The following CDC7 variants were observed in gnomAD, a reference collection of about 807,000 sequenced individuals.
CDC7 encodes the protein cell division cycle 7-related protein kinase.
In CDC7, 34 loss-of-function variants were observed where a neutral mutation model predicts 53.5. The observed-to-expected ratio is 0.64, with a 90% CI of 0.48 to 0.85. CDC7 has a LOEUF of 0.85. Ranked by LOEUF, CDC7 falls within the 40% of genes least tolerant of loss-of-function variation. The pLI, the probability that CDC7 is intolerant of heterozygous loss-of-function variation, is 0.00. For synonymous variants in CDC7, 211 were observed against 222.8 expected (o/e 0.95, Z 0.47); for missense variants, 594 against 679.7 (o/e 0.87, Z 1.40).
chr1:91,509,053 G>C (rs936629905), intron 4 of CDC7, among the ~76,000 whole-genome samples: 23 of 152,014 alleles, frequency 1.5e-4, no homozygotes, highest in African/African-American at 5.6e-4. Flanking sequence ...CCCTTGTCTT[G>C]ACTTCTGTCC....
rs1053952279 is a variant in CDC7, at chr1:91,525,556, T to G, written c.*1121T>G. ...GTGGTCAGCTGACAGATTTCCCATT[T>G]AGTAGTCATAGAATACAGAAATAGT... On this transcript the variant is annotated 3_prime_UTR_variant, in exon 12 of 12. Coordinates refer to ENST00000234626, the MANE Select transcript of CDC7 (RefSeq NM_003503.4). The G allele has an allele frequency of 6.6e-6, 1 of 152,148 alleles. No individual in the cohort carries two copies. The allele number at this position is 152,148 out of a possible 1,614,324, so 9.4% of individuals were successfully genotyped here.
chr1:91,513,041 T>C lies in CDC7; in HGVS notation c.573-17T>C. 1 of 1,608,600 alleles carries C rather than the reference T, an allele frequency of 6.2e-7. No individual in the cohort carries two copies. Among genetic ancestry groups the C allele is most frequent in the Non-Finnish European group, 8.5e-7 (1 of 1,177,084 alleles). ...AATTGCTACAGATAAGTAAAAATGCTTAATTTTGTCTCTTAGGTATGCCTT... is the reference window on the plus strand; with the variant it reads ...AATTGCTACAGATAAGTAAAAATGCCTAATTTTGTCTCTTAGGTATGCCTT... On this transcript the variant is annotated splice_polypyrimidine_tract_variant and intron_variant, in intron 6 of 11. Coordinates refer to ENST00000234626, the MANE Select transcript of CDC7 (RefSeq NM_003503.4).
At chr1:91,517,668 G>A (rs1667634623) in intron 10 of CDC7, among the ~76,000 whole-genome samples, 1 of 152,176 alleles carries the variant, frequency 6.6e-6, no homozygotes, top group Admixed American at 6.5e-5. Flanking sequence ...ATAAATGACA[G>A]TTGAAGCCAT....
At position 91,524,476 on chromosome 1, in the gene CDC7, TA is replaced by T. The variant is rs749810717; in HGVS notation, c.*47del. 3.3e-5 allele frequency: 48 copies of T among 1,442,022 alleles called. No individual in the cohort carries two copies. The highest frequency in any genetic ancestry group is 1.1e-5 in the Non-Finnish European group (12 of 1,064,374). The allele number at this position is 1,442,022 out of a possible 1,614,324, so 89.3% of individuals were successfully genotyped here. A position where few individuals can be genotyped will look rare whatever the true frequency, so the allele number is the denominator to read the frequency against. On this transcript the variant is annotated 3_prime_UTR_variant, in exon 12 of 12. Transcript: ENST00000234626. ...TAATGTTTACTGTTATGAGGTAGAA[TA>T]AAAAAGAATACTTTGTAATAGCCAC...
intron 10 of CDC7, 128 bp from the exon 11 acceptor site, chr1:91,520,002 G>T (rs1667841368): frequency 3.2e-6 from 2 of 632,634 alleles, no homozygotes; most frequent in Admixed American, 3.8e-5. Flanking sequence ...AAATCTTTGG[G>T]TCTGGGCATC....
chr1:91,506,576 C>T (rs1666999696), intron 2 of CDC7, among the ~76,000 whole-genome samples: 1 of 152,144 alleles, frequency 6.6e-6, no homozygotes, highest in Non-Finnish European at 1.5e-5. Context: ...CTAGACCAAG[C>T]TCTTAGTGGC....
At chr1:91,514,276 A>G (rs1667439211) in intron 8 of CDC7, among the ~76,000 whole-genome samples, 1 of 152,106 alleles carries the variant, frequency 6.6e-6, no homozygotes, top group Admixed American at 6.6e-5. Flanking sequence ...GTCTTTCTCT[A>G]GAGGAACATT....
chr1:91,501,527 G>C (rs1268931332), intron 1 of CDC7, 127 bp from the exon 2 acceptor site: 1 of 598,656 alleles, frequency 1.7e-6, no homozygotes, highest in African/African-American at 1.8e-5. Context: ...GCCACAGTAT[G>C]CCCTACTGTG....
chr1:91,516,385 A>C (rs1185564661), intron 10 of CDC7, among the ~76,000 whole-genome samples: 4 of 152,120 alleles, frequency 2.6e-5, no homozygotes, highest in Non-Finnish European at 5.9e-5. Flanking sequence ...TGTCTTCCGT[A>C]ATCTAAAAAC....
At chr1:91,509,578 C>T (rs1310801574) in intron 4 of CDC7, among the ~76,000 whole-genome samples, 1 of 152,130 alleles carries the variant, frequency 6.6e-6, no homozygotes, top group Non-Finnish European at 1.5e-5. Flanking sequence ...TCTTCTCTGC[C>T]ACTACCTCAG....
intron 1 of CDC7, 59 bp from the exon 2 acceptor site, chr1:91,501,595 G>A: frequency 2.6e-6 from 2 of 757,982 alleles, no homozygotes; most frequent in Non-Finnish European, 4.6e-6. Flanking sequence ...GCAGTAGCAT[G>A]TTTTTAGTGC....
At chr1:91,501,982 T>C in intron 2 of CDC7, 151 bp downstream of exon 2, 1 of 648,232 alleles carries the variant, frequency 1.5e-6, no homozygotes, top group South Asian at 2.0e-5. Flanking sequence ...TCGTATGATC[T>C]AAATGTAGGA....
intron 4 of CDC7, among the ~76,000 whole-genome samples, chr1:91,509,631 C>G (rs1032960614): frequency 6.6e-6 from 1 of 152,114 alleles, no homozygotes; most frequent in East Asian, 1.9e-4. Flanking sequence ...TTCCTTCTCC[C>G]CTTAATTCTG....
chr1:91,511,324 C>T (rs758387047), intron 4 of CDC7, among the ~76,000 whole-genome samples: 3 of 151,984 alleles, frequency 2.0e-5, no homozygotes, highest in Non-Finnish European at 2.9e-5. Context: ...TTAATCTTTT[C>T]CCTTTTTTCT....
chr1:91,512,757 C>T (rs757204704), intron 6 of CDC7, among the ~76,000 whole-genome samples: 31 of 152,024 alleles, frequency 2.0e-4, no homozygotes, highest in Non-Finnish European at 3.5e-4. Flanking sequence ...GCCATCTCTG[C>T]CACCATCAGA....
rs1455941022 is a variant in CDC7 at position 91,511,117 on chromosome 1, T to TA, written c.336-479dup. On this transcript the variant is annotated intron_variant, in intron 4 of 11. Coordinates refer to ENST00000234626, the MANE Select transcript of CDC7 (RefSeq NM_003503.4). ...TTCTCTACTCATTTTTTGGTATCTC[T>TA]ATTGTTTTCTTACTCAGGCTCAAAA... 4.6e-5 allele frequency among the ~76,000 whole-genome samples: 7 copies of TA among 152,306 alleles called. 1 individual carries two copies. The Middle Eastern group carries it at 0.02, about 444-fold the overall frequency.
chr1:91,512,717 C>G (rs534068086), intron 6 of CDC7, among the ~76,000 whole-genome samples: 1 of 151,882 alleles, frequency 6.6e-6, no homozygotes, highest in East Asian at 1.9e-4. Flanking sequence ...TTTTTTTAAG[C>G]TTTCTTAACT....
chr1:91,509,286 G>T (rs1667143107), intron 4 of CDC7, among the ~76,000 whole-genome samples: 2 of 148,978 alleles, frequency 1.3e-5, no homozygotes, highest in South Asian at 4.3e-4. Flanking sequence ...ACAGGTTTGT[G>T]TATATCCACC....
chr1:91,506,604 T>G (rs1029890865), intron 2 of CDC7, among the ~76,000 whole-genome samples: 3 of 151,936 alleles, frequency 2.0e-5, no homozygotes, highest in Non-Finnish European at 4.4e-5. Flanking sequence ...AATTTATTGG[T>G]TTTTTTTACA....
Sources: allele counts gnomAD v4.1 joint callset (sites outside exome capture counted in the v4.1 genomes callset), GRCh38; gene constraint gnomAD v4.1.1; transcripts MANE v1.5; gene names NCBI Gene and HGNC (gene_info 2026-07-23, HGNC 2026-07-21).